The following FRMPD4 variants were observed in gnomAD, a reference collection of about 807,000 sequenced individuals.
The protein encoded by FRMPD4 is FERM and PDZ domain containing 4.
In FRMPD4, 22 loss-of-function variants were observed where a neutral mutation model predicts 94.1. The ratio of observed to expected loss-of-function variants is 0.23; its 90% CI spans 0.17 to 0.33. FRMPD4 has a LOEUF of 0.33. FRMPD4 is among the 10% of genes least tolerant of loss of function. FRMPD4 has a pLI of 1.00. For missense variants in FRMPD4, 1,111 were observed against 1,339.9 expected (o/e 0.83, Z 2.67); for synonymous variants, 631 against 548.6 (o/e 1.15, Z -2.10).
chrX:12,042,836 C>T (rs2054764187), intron 3 of FRMPD4, among the ~76,000 whole-genome samples: 1 of 111,988 alleles, frequency 8.9e-6, no homozygotes, highest in African/African-American at 3.2e-5. Flanking sequence ...TTCTCCCTTT[C>T]GTTTTATACT....
At chrX:12,020,441 ACT>A (rs1315937631) in intron 3 of FRMPD4, among the ~76,000 whole-genome samples, 2 of 110,809 alleles carry the variant, frequency 1.8e-5, no homozygotes, top group East Asian at 5.7e-4. Context: ...TCACCTCATG[ACT>A]CTGTTGTTTT....
intron 2 of FRMPD4, among the ~76,000 whole-genome samples, chrX:11,869,652 G>A (rs1051233507): frequency 3.6e-5 from 4 of 111,097 alleles, no homozygotes; most frequent in African/African-American, 1.3e-4. Flanking sequence ...TTAAAATCAC[G>A]GTTGAATTTC....
At chrX:11,985,560 A>C (rs1019907278) in intron 3 of FRMPD4, among the ~76,000 whole-genome samples, 4 of 112,219 alleles carry the variant, frequency 3.6e-5, no homozygotes, top group Non-Finnish European at 7.5e-5. Context: ...CATAGGTACC[A>C]GGCGCTGTGA....
chrX:11,836,437 A>G (rs2053501756), intron 1 of FRMPD4, among the ~76,000 whole-genome samples: 1 of 111,738 alleles, frequency 8.9e-6, no homozygotes, highest in Non-Finnish European at 1.9e-5. Flanking sequence ...TGTACCAGAC[A>G]CTGTGCTAAG....
chrX:12,596,859 T>G (rs573282636), intron 2 of FRMPD4, among the ~76,000 whole-genome samples: 4 of 112,198 alleles, frequency 3.6e-5, no homozygotes, highest in African/African-American at 9.7e-5. Flanking sequence ...TCACAGTGGC[T>G]TACACTCATG....
chrX:12,338,553 G>A (rs939826190), intron 1 of FRMPD4, among the ~76,000 whole-genome samples: 1 of 111,892 alleles, frequency 8.9e-6, no homozygotes, highest in African/African-American at 3.3e-5. Context: ...TACAGATACA[G>A]ACATGATTTA....
At chrX:12,191,147 C>G (rs1358911703) in intron 1 of FRMPD4, among the ~76,000 whole-genome samples, 3 of 112,024 alleles carry the variant, frequency 2.7e-5, no homozygotes, top group African/African-American at 9.7e-5. Context: ...TGGAAAGATG[C>G]TCTTAGCATA....
chrX:11,928,441 C>G (rs1412157405), intron 3 of FRMPD4, among the ~76,000 whole-genome samples: 1 of 111,736 alleles, frequency 8.9e-6, no homozygotes, highest in African/African-American at 3.3e-5. Context: ...TGAGAACTCA[C>G]TCACTATCAT....
At chrX:11,839,466 C>G (rs983650914) in intron 1 of FRMPD4, among the ~76,000 whole-genome samples, 1 of 111,286 alleles carries the variant, frequency 9.0e-6, no homozygotes, top group Admixed American at 9.6e-5. Context: ...TACTGAGTTG[C>G]AAGAGTTCTT....
chrX:12,375,715 A>G (rs1468995774), intron 1 of FRMPD4, among the ~76,000 whole-genome samples: 1 of 112,231 alleles, frequency 8.9e-6, no homozygotes, highest in African/African-American at 3.2e-5. Context: ...TGACACTAGA[A>G]GGTCAAGGTC....
chrX:11,942,942 C>G (rs775105802), intron 3 of FRMPD4, among the ~76,000 whole-genome samples: 1 of 112,027 alleles, frequency 8.9e-6, no homozygotes, highest in Non-Finnish European at 1.9e-5. Context: ...TTGTATCTGC[C>G]TATCCTGGAT....
chrX:12,003,386 AGTGTGTGTGT>A (rs34756228), intron 3 of FRMPD4, among the ~76,000 whole-genome samples: 4 of 102,194 alleles, frequency 3.9e-5, no homozygotes, highest in East Asian at 3.1e-4. Flanking sequence ...CAGTTTGGCA[AGTGTGTGTGT>A]GTGTGTGTGT....
intron 2 of FRMPD4, among the ~76,000 whole-genome samples, chrX:12,529,474 T>C (rs1207404448): frequency 8.9e-6 from 1 of 112,845 alleles, no homozygotes; most frequent in Non-Finnish European, 1.9e-5. Flanking sequence ...AGGTAGTTAC[T>C]ATCAAGAGGC....
At chrX:12,533,541 G>C (rs2058307446) in intron 2 of FRMPD4, among the ~76,000 whole-genome samples, 2 of 111,976 alleles carry the variant, frequency 1.8e-5, no homozygotes, top group Admixed American at 9.5e-5. Context: ...GAGACTTGTT[G>C]AATGGCTTTG....
chrX:12,664,415 G>A (rs2059752926), intron 4 of FRMPD4, among the ~76,000 whole-genome samples: 1 of 111,946 alleles, frequency 8.9e-6, no homozygotes, highest in African/African-American at 3.2e-5. Context: ...AGCATGAAGA[G>A]GTGTTGAGTT....
Position 12,364,002 on chromosome X carries a change from T to G in FRMPD4, c.42-134678T>G, listed in dbSNP as rs758647915. 6.3e-5 allele frequency among the ~76,000 whole-genome samples: 7 copies of G among 111,480 alleles called. No individual in the cohort carries two copies. In the South Asian group the frequency reaches 2.3e-3, roughly 36 times the overall value. On this transcript the variant is annotated intron_variant, in intron 1 of 16. Coordinates refer to ENST00000675598, the MANE Select transcript of FRMPD4 (RefSeq NM_001368397.1). ...TCTATTGCAAGTTCATTACAACCCA[T>G]AAGAAACTTCATTTGCTGTTTAGAA...
At chrX:12,233,614 G>A in intron 1 of FRMPD4, among the ~76,000 whole-genome samples, 1 of 112,062 alleles carries the variant, frequency 8.9e-6, no homozygotes, top group East Asian at 2.8e-4. Context: ...TGACTAGAGT[G>A]CATAGTAAAG....
intron 1 of FRMPD4, among the ~76,000 whole-genome samples, chrX:12,228,967 T>C (rs2056953790): frequency 8.9e-6 from 1 of 112,141 alleles, no homozygotes; most frequent in South Asian, 3.7e-4. Flanking sequence ...TTTATTGGTG[T>C]TTTTCATTAT....
chrX:12,073,642 T>G (rs770190570), intron 3 of FRMPD4, among the ~76,000 whole-genome samples: 1 of 112,433 alleles, frequency 8.9e-6, no homozygotes, highest in Admixed American at 9.4e-5. Flanking sequence ...TTAAACTAGA[T>G]AGAGCCAGAT....
Sources: allele counts gnomAD v4.1 joint callset (sites outside exome capture counted in the v4.1 genomes callset), GRCh38; gene constraint gnomAD v4.1.1; transcripts MANE v1.5; gene names NCBI Gene and HGNC (gene_info 2026-07-23, HGNC 2026-07-21).